ZNF638: variants seen among roughly 807,000 people sequenced by gnomAD.
ZNF638 encodes zinc finger protein 638.
Under a neutral mutation model 195.6 loss-of-function variants are expected in ZNF638, and 46 were observed. That is an observed-to-expected ratio of 0.24 (90% CI 0.19 to 0.30). The LOEUF is 0.30. Ranked by LOEUF, ZNF638 falls within the 10% of genes least tolerant of loss-of-function variation. The probability of loss-of-function intolerance (pLI) is 1.00; values close to 1 mark genes in which losing one functional copy is unlikely to be tolerated. For missense variants in ZNF638, 2,440 were observed against 2,325.3 expected, an observed-to-expected ratio of 1.05 and a Z score of -1.01; for synonymous variants, 845 against 772.0, an observed-to-expected ratio of 1.09 and a Z score of -1.57.
intron 2 of ZNF638, 126 bp downstream of exon 2, chr2:71,350,397 C>A: frequency 1.1e-6 from 1 of 940,188 alleles, no homozygotes; most frequent in Non-Finnish European, 1.6e-6. Flanking sequence ...TTAATTGCAA[C>A]CTCAATACAT....
intron 20 of ZNF638, among the ~76,000 whole-genome samples, chr2:71,416,634 G>GT (rs1476503106): frequency 1.6e-5 from 1 of 62,504 alleles, no homozygotes; most frequent in Non-Finnish European, 3.0e-5. Flanking sequence ...CTTTGATGAT[G>GT]GTGATGTACA....
intron 20 of ZNF638, chr2:71,418,128 T>G (rs1309553980): frequency 6.6e-6 from 1 of 152,286 alleles, no homozygotes; most frequent in East Asian, 1.9e-4. Flanking sequence ...ACATATCAGA[T>G]AAATATTTAA....
chr2:71,337,398 A>G (rs893283872), intron 1 of ZNF638, among the ~76,000 whole-genome samples: 2 of 152,092 alleles, frequency 1.3e-5, no homozygotes, highest in African/African-American at 4.8e-5. Flanking sequence ...ACTTCAATGA[A>G]TTTCACGTTT....
At chr2:71,428,878 G>A in intron 25 of ZNF638, 1 of 354,268 alleles carries the variant, frequency 2.8e-6, no homozygotes, top group East Asian at 4.4e-5. Context: ...ATCCTCGAAA[G>A]GTTTTCTGAC....
At chr2:71,433,456 T>TTCCCCCA in intron 27 of ZNF638, 173 bp downstream of exon 27, 1 of 557,586 alleles carries the variant, frequency 1.8e-6, no homozygotes. Flanking sequence ...TTCTAGTCCT[T>TTCCCCCA]ATTCCTTTTC....
chr2:71,352,451 C>G (rs2078956535), intron 2 of ZNF638, among the ~76,000 whole-genome samples: 1 of 150,064 alleles, frequency 6.7e-6, no homozygotes, highest in East Asian at 1.9e-4. Context: ...GCACTCCAGC[C>G]TGGGTGACAG....
At chr2:71,373,697 C>T (rs949625512) in intron 8 of ZNF638, among the ~76,000 whole-genome samples, 1 of 152,008 alleles carries the variant, frequency 6.6e-6, no homozygotes, top group South Asian at 2.1e-4. Flanking sequence ...GGATTACAGG[C>T]GTGAGCCACC....
At chr2:71,334,530 A>T (rs1328482657) in intron 1 of ZNF638, 2 of 152,248 alleles carry the variant, frequency 1.3e-5, no homozygotes, top group Non-Finnish European at 2.9e-5. Flanking sequence ...GAAAATTAAA[A>T]TGGAAGGAAA....
chr2:71,380,688 T>C (rs1287412799), intron 10 of ZNF638, 123 bp downstream of exon 10: 5 of 659,128 alleles, frequency 7.6e-6, no homozygotes, highest in Non-Finnish European at 1.2e-5. Context: ...TTACATTCTT[T>C]AATTGGCCCC....
chr2:71,347,273 A>G (rs943621758), intron 1 of ZNF638, among the ~76,000 whole-genome samples: 1 of 152,224 alleles, frequency 6.6e-6, no homozygotes, highest in Non-Finnish European at 1.5e-5. Flanking sequence ...AAAGCTAAGA[A>G]ATGAAGGGAA....
chr2:71,404,053 T>C, intron 17 of ZNF638, 55 bp downstream of exon 17: 1 of 1,537,722 alleles, frequency 6.5e-7, no homozygotes, highest in Non-Finnish European at 8.8e-7. Context: ...ATCAGATTTG[T>C]TACAGTCTGT....
chr2:71,359,303 A>G (rs2079071708), intron 3 of ZNF638, among the ~76,000 whole-genome samples: 1 of 152,192 alleles, frequency 6.6e-6, no homozygotes, highest in Non-Finnish European at 1.5e-5. Context: ...TCTCAGTCTG[A>G]GGCAAAAGGC....
chr2:71,411,938 G>A (rs1408395488), intron 20 of ZNF638, among the ~76,000 whole-genome samples: 30 of 83,466 alleles, frequency 3.6e-4, no homozygotes, highest in Non-Finnish European at 5.0e-4. Context: ...ATAAACATAC[G>A]TGTGCATGTG....
At chr2:71,352,486 T>TAAAAAAAAAA (rs1197623098) in intron 2 of ZNF638, among the ~76,000 whole-genome samples, 1 of 19,830 alleles carries the variant, frequency 5.0e-5, no homozygotes, top group African/African-American at 1.8e-4. Flanking sequence ...TCAAAAAAAA[T>TAAAAAAAAAA]AAAAAAAATA....
chr2:71,388,429 C>T (rs771699183), intron 10 of ZNF638: 3 of 681,224 alleles, frequency 4.4e-6, no homozygotes, highest in Admixed American at 4.1e-5. Context: ...TCCCTACAGG[C>T]GGGGGCAACA....
chr2:71,431,244 A>G, intron 25 of ZNF638, 83 bp from the exon 26 acceptor site: 4 of 1,241,888 alleles, frequency 3.2e-6, no homozygotes, highest in South Asian at 1.4e-5. Flanking sequence ...CCTGAGAAAG[A>G]AAAAGGTAAG....
At chr2:71,396,352 T>A (rs1168689993) in intron 11 of ZNF638, among the ~76,000 whole-genome samples, 161 bp downstream of exon 11, 1 of 152,222 alleles carries the variant, frequency 6.6e-6, no homozygotes, top group Non-Finnish European at 1.5e-5. Flanking sequence ...AGAAATGATA[T>A]GTACTAGATA....
chr2:71,367,661 G>A (rs1209200607), intron 6 of ZNF638, among the ~76,000 whole-genome samples: 2 of 151,342 alleles, frequency 1.3e-5, no homozygotes, highest in Non-Finnish European at 2.9e-5. Flanking sequence ...GGCTGGTCTC[G>A]AACACCTGAC....
chr2:71,399,078 T>G (rs1399193731), intron 12 of ZNF638, among the ~76,000 whole-genome samples: 1 of 152,198 alleles, frequency 6.6e-6, no homozygotes, highest in African/African-American at 2.4e-5. Flanking sequence ...TTTTTAGAGT[T>G]GTCAATTCAT....
Sources: allele counts gnomAD v4.1 joint callset (sites outside exome capture counted in the v4.1 genomes callset), GRCh38; gene constraint gnomAD v4.1.1; transcripts MANE v1.5; gene names NCBI Gene and HGNC (gene_info 2026-07-23, HGNC 2026-07-21).